Variants in ATP11B observed in about 807,000 individuals in gnomAD.
ATP11B encodes ATPase phospholipid transporting 11B (putative).
ATP11B carries 81 observed loss-of-function variants against 157.8 expected under a neutral mutation model. That is an observed-to-expected ratio of 0.51 (90% confidence interval 0.43 to 0.62). The LOEUF (loss-of-function observed/expected upper bound fraction) is 0.62. Among genes scored for constraint, ATP11B ranks in the 20% least tolerant of loss-of-function variants. The pLI is 0.00. For synonymous variants in ATP11B, 451 were observed against 469.4 expected (o/e 0.96, Z 0.51); for missense variants, 1,165 against 1,402.2 (o/e 0.83, Z 2.70).
intron 8 of ATP11B, 94 bp downstream of exon 8, chr3:182,842,216 G>A (rs1490646256): frequency 6.9e-6 from 6 of 864,182 alleles, no homozygotes; most frequent in East Asian, 2.5e-5. Context: ...TAAATAAGCA[G>A]CCCATCATGG....
At chr3:182,864,554 A>G (rs1190229144) in intron 12 of ATP11B, among the ~76,000 whole-genome samples, 2 of 152,118 alleles carry the variant, frequency 1.3e-5, no homozygotes, top group African/African-American at 4.8e-5. Context: ...TATTAATATG[A>G]TGGATTACAT....
At chr3:182,868,251 G>T (rs1156526441) in intron 15 of ATP11B, among the ~76,000 whole-genome samples, 1 of 150,656 alleles carries the variant, frequency 6.6e-6, no homozygotes, top group Non-Finnish European at 1.5e-5. Flanking sequence ...TGATAAATTA[G>T]TTCATGCTTA....
chr3:182,852,606 G>A (rs777329037), intron 10 of ATP11B, among the ~76,000 whole-genome samples: 2 of 152,130 alleles, frequency 1.3e-5, no homozygotes, highest in Non-Finnish European at 2.9e-5. Flanking sequence ...ATGTCTCCAC[G>A]CTAAAGATTT....
chr3:182,882,158 G>C (rs1722471326), intron 21 of ATP11B, among the ~76,000 whole-genome samples: 1 of 152,110 alleles, frequency 6.6e-6, no homozygotes, highest in South Asian at 2.1e-4. Context: ...TGCTGGATGG[G>C]AAGTTATCAG....
In ATP11B at chr3:182,855,654, CAT is replaced by C. The variant is rs1279035188; in HGVS notation, c.852-2222_852-2221del. On this transcript the variant is annotated intron_variant, in intron 10 of 29. Coordinates refer to ENST00000323116, the MANE Select transcript of ATP11B (RefSeq NM_014616.3). ...CTTCCAGAGGCTTTATGTTTAGAAACATAAAGAACTCTCAAACTCAATAGTAA... is the reference window on the plus strand; with the variant it reads ...CTTCCAGAGGCTTTATGTTTAGAAACAAAGAACTCTCAAACTCAATAGTAA... 6.6e-5 allele frequency among the ~76,000 whole-genome samples: 10 copies of C among 152,126 alleles called. No homozygotes were observed. The East Asian group carries it at 1.9e-3, about 29-fold the overall frequency.
Position 182,889,532 on chromosome 3 carries a change from T to G in ATP11B, c.2966T>G (p.Leu989Arg). The change falls in exon 25 of 30, where the codon CTG becomes CGG. Residue 989 changes from leucine (L) to arginine (R), a missense_variant. Leu to Arg is a moderately radical substitution (Grantham distance 102). Around this residue, in one of 4 missense-constraint regions of ATP11B, gnomAD observed 303 missense variants for 296.3 expected, o/e 1.02. Coordinates refer to ENST00000323116, the MANE Select transcript of ATP11B (RefSeq NM_014616.3). ...SYLLIGKDTSLLGNGQMFGNW... is the reference protein window; with the variant it reads ...SYLLIGKDTSRLGNGQMFGNW... Reference sequence around the variant, plus strand: ...TTACTAATAGGGAAAGATACATCTCTGCTTGGAAATGGCCAGGTAAAGTAT... The same window carrying G: ...TTACTAATAGGGAAAGATACATCTCGGCTTGGAAATGGCCAGGTAAAGTAT... 2 of 1,555,732 alleles carry G rather than the reference T, an allele frequency of 1.3e-6. No individual in the cohort carries two copies. The highest frequency in any genetic ancestry group is 2.4e-5 in the East Asian group (1 of 41,180).
At chr3:182,870,798 C>G (rs1721600838) in intron 17 of ATP11B, among the ~76,000 whole-genome samples, 1 of 151,294 alleles carries the variant, frequency 6.6e-6, no homozygotes, top group Non-Finnish European at 1.5e-5. Context: ...AGGATGAAAC[C>G]CCACCAGTAG....
intron 28 of ATP11B, among the ~76,000 whole-genome samples, chr3:182,905,157 G>A: frequency 6.6e-6 from 1 of 152,000 alleles, no homozygotes; most frequent in East Asian, 1.9e-4. Flanking sequence ...TAGAGATGAG[G>A]CAAAATTGTT....
At chr3:182,859,649 C>G (rs1297561357) in intron 12 of ATP11B, among the ~76,000 whole-genome samples, 12 of 152,172 alleles carry the variant, frequency 7.9e-5, no homozygotes. Flanking sequence ...CCCTTTGCTT[C>G]TCCATAGCCC....
intron 28 of ATP11B, among the ~76,000 whole-genome samples, chr3:182,912,979 C>G (rs1260043233): frequency 1.3e-5 from 2 of 152,064 alleles, no homozygotes; most frequent in Admixed American, 6.5e-5. Flanking sequence ...TGGGATTCAT[C>G]GAGCTACGTG....
intron 28 of ATP11B, among the ~76,000 whole-genome samples, chr3:182,904,911 AAG>A (rs200442893): frequency 0.13 from 18,827 of 146,216 alleles, 1,455 homozygotes; most frequent in African/African-American, 0.21. Flanking sequence ...AAAAAAAAAA[AAG>A]GATTAATTCA....
Position 182,919,485 on chromosome 3 carries a change from A to ATG in ATP11B, c.*1383_*1384dup. The stretch of plus-strand genomic sequence containing the variant: ...TTTGTTTTTGTTTTATTGAAAAGTA[A>ATG]TGTTGTCTTAAGATTTAGAAGTGAT... On this transcript the variant is annotated 3_prime_UTR_variant, in exon 30 of 30. Transcript: ENST00000323116. The ATG allele has an allele frequency of 6.6e-6, 1 of 152,638 alleles. No individual in the cohort carries two copies. Among genetic ancestry groups the ATG allele is most frequent in the East Asian group, 1.9e-4 (1 of 5,208 alleles). The allele number at this position is 152,638 out of a possible 1,614,324, so 9.5% of individuals were successfully genotyped here.
chr3:182,877,307 A>G (rs1722112734), intron 19 of ATP11B, among the ~76,000 whole-genome samples: 1 of 152,176 alleles, frequency 6.6e-6, no homozygotes, highest in Non-Finnish European at 1.5e-5. Context: ...TGTTCACTGG[A>G]CAGAGAGTGA....
intron 9 of ATP11B, among the ~76,000 whole-genome samples, chr3:182,847,571 A>G (rs576782655): frequency 2.6e-5 from 4 of 152,214 alleles, no homozygotes; most frequent in Non-Finnish European, 5.9e-5. Flanking sequence ...CCTTTAAGGA[A>G]TAAGTCAAGA....
intron 7 of ATP11B, among the ~76,000 whole-genome samples, chr3:182,839,903 C>T (rs1054132412): frequency 3.9e-5 from 6 of 152,010 alleles, no homozygotes; most frequent in African/African-American, 1.4e-4. Context: ...GTGAGCCACC[C>T]CGCCCAGCCT....
chr3:182,859,039 T>C, intron 11 of ATP11B, 123 bp from the exon 12 acceptor site: 1 of 593,918 alleles, frequency 1.7e-6, no homozygotes, highest in Admixed American at 3.3e-5. Context: ...CATGAGACTA[T>C]TCTACCTCAG....
rs1725380515 is a variant in ATP11B, at chr3:182,920,222, T to A, written c.*2118T>A. The A allele has an allele frequency of 6.6e-6, 1 of 152,194 alleles. No individual in the cohort carries two copies. The highest frequency in any genetic ancestry group is 6.5e-5 in the Admixed American group (1 of 15,276). 9.4% of individuals were successfully genotyped at this position (152,194 alleles called of 1,614,324 possible). A position where few individuals can be genotyped will look rare whatever the true frequency, so the allele number is the denominator to read the frequency against. Reference sequence around the variant, plus strand: ...GCTTAAAGTGTGATTGATGTAATTTTCTGTACTCACCATTTGAAGTTAGTT... The same window carrying A: ...GCTTAAAGTGTGATTGATGTAATTTACTGTACTCACCATTTGAAGTTAGTT... On this transcript the variant is annotated 3_prime_UTR_variant, in exon 30 of 30. Coordinates refer to ENST00000323116, the MANE Select transcript of ATP11B (RefSeq NM_014616.3).
intron 1 of ATP11B, among the ~76,000 whole-genome samples, chr3:182,811,259 G>A (rs1716647239): frequency 6.6e-6 from 1 of 152,058 alleles, no homozygotes; most frequent in African/African-American, 2.4e-5. Context: ...AATTTTCCTG[G>A]TAATTGCATT....
intron 12 of ATP11B, among the ~76,000 whole-genome samples, chr3:182,862,844 G>A (rs575573275): frequency 2.4e-4 from 37 of 151,042 alleles, no homozygotes; most frequent in Non-Finnish European, 4.1e-4. Flanking sequence ...TCATGGTGAA[G>A]TTTTAAGAGA....
Sources: allele counts gnomAD v4.1 joint callset (sites outside exome capture counted in the v4.1 genomes callset), GRCh38; gene constraint gnomAD v4.1.1; regional missense constraint gnomAD v4.1.1; transcripts MANE v1.5; gene names NCBI Gene and HGNC (gene_info 2026-07-23, HGNC 2026-07-21).